The following P2RX6 variants were observed in gnomAD, a reference collection of about 807,000 sequenced individuals.
P2RX6 encodes purinergic receptor P2X 6.
P2RX6 carries 62 observed loss-of-function variants against 54.2 expected under a neutral mutation model. The observed-to-expected ratio is 1.14, with a 90% CI of 0.93 to 1.41. The LOEUF (loss-of-function observed/expected upper bound fraction) is 1.41, where lower values mean the gene tolerates loss of function less well. Among genes scored for constraint, P2RX6 ranks in the 40% most tolerant of loss-of-function variants. The pLI, the probability that P2RX6 is intolerant of heterozygous loss-of-function variation, is 0.00. For missense variants in P2RX6, 541 were observed against 566.3 expected (o/e 0.96, Z 0.45); for synonymous variants, 211 against 231.9 (o/e 0.91, Z 0.82).
upstream of P2RX6, chr22:21,014,985 C>G (rs1926085246): frequency 2.0e-6 from 1 of 506,978 alleles, no homozygotes; most frequent in Non-Finnish European, 3.4e-6. Flanking sequence ...TGTGCCAGGG[C>G]CCAGCAAAGG....
At chr22:21,021,133 C>G (rs932501989) in intron 3 of P2RX6, among the ~76,000 whole-genome samples, 2 of 151,994 alleles carry the variant, frequency 1.3e-5, no homozygotes, top group Non-Finnish European at 2.9e-5. Flanking sequence ...TGTTTGTTTT[C>G]TTTTTCTCTT....
rs766745248 is a variant in P2RX6 at position 21,027,163 on chromosome 22, G to A, written c.*546G>A. ...GCTTCTCTGGTGCTGTGATGCCCCA[G>A]GAGAGTCCTAATCTAGGGAATGGGG... On this transcript the variant is annotated 3_prime_UTR_variant, in exon 12 of 12. Coordinates refer to ENST00000413302, the MANE Select transcript of P2RX6 (RefSeq NM_005446.5). The A allele has an allele frequency of 8.1e-4, 130 of 159,596 alleles. 1 individual carries two copies. The highest frequency in any genetic ancestry group is 1.1e-3 in the Non-Finnish European group (80 of 72,520). 9.9% of individuals were successfully genotyped at this position (159,596 alleles called of 1,614,324 possible). A position where few individuals can be genotyped will look rare whatever the true frequency, so the allele number is the denominator to read the frequency against.
rs2541950 is a variant in P2RX6 at position 21,026,790 on chromosome 22, G to A, written c.*173G>A. ...TAGGGTGCTGCCTCAGGGAGCCATA[G>A]AAGTCGGCTGTGTTTTGAGACGGCG... is the stretch of plus-strand genomic sequence containing the variant. On this transcript the variant is annotated 3_prime_UTR_variant, in exon 12 of 12. Coordinates refer to ENST00000413302, the MANE Select transcript of P2RX6 (RefSeq NM_005446.5). This position sits in a 1 kb window ranked among gnomAD's most constrained non-coding sequence, Gnocchi z 4.0. 3 of 1,347,390 alleles carry A rather than the reference G, an allele frequency of 2.2e-6. No individual in the cohort carries two copies. The highest frequency in any genetic ancestry group is 2.9e-6 in the Non-Finnish European group (3 of 1,018,920). The allele number at this position is 1,347,390 out of a possible 1,614,324, so 83.5% of individuals were successfully genotyped here.
chr22:21,010,052 C>G (rs1375463429), intron 1 of P2RX6: 7 of 152,288 alleles, frequency 4.6e-5, no homozygotes, highest in Non-Finnish European at 8.8e-5. Context: ...GTGACCCTTG[C>G]AGCCATCCTA....
rs767835576 is a variant in P2RX6 at position 21,026,491 on chromosome 22, C to T, written c.1200C>T (p.Ala400=). The T allele has an allele frequency of 2.6e-5, 42 of 1,599,462 alleles. No homozygotes were observed. The highest frequency in any genetic ancestry group is 4.5e-5 in the South Asian group (4 of 88,018). Residue 400 remains alanine (A), a synonymous_variant, in exon 12 of 12, where the codon GCC becomes GCT. Transcript: ENST00000413302. This position sits in a 1 kb window ranked among gnomAD's most constrained non-coding sequence, Gnocchi z 4.0. The part of the protein sequence containing the change: ...ELALASQARL[A]ECLRRSSAPA... ...CCCTTGCATCCCAAGCCCGACTGGC[C>T]GAGTGCCTCAGACGGAGCTCAGCAC...
chr22:21,022,082 A>G (rs1927497611), intron 3 of P2RX6, among the ~76,000 whole-genome samples: 1 of 152,132 alleles, frequency 6.6e-6, no homozygotes, highest in Non-Finnish European at 1.5e-5. Flanking sequence ...GTCAGGAGGG[A>G]AGGGGCAGGG....
Position 21,025,824 on chromosome 22 carries a change from G to A in P2RX6, c.910G>A (p.Glu304Lys). ...YNFRTATHWWEQPGVEARTLL... is the reference protein window; with the variant it reads ...YNFRTATHWWKQPGVEARTLL... ...CCACAGGACAGCCACTCACTGGTGG[G>A]AGCAACCGGGTGTGGAGGCCCGCAC... The change falls in exon 9 of 12, where the codon GAG (glutamate) becomes AAG (lysine). Residue 304 changes from glutamate (E) to lysine (K), a missense_variant. Coordinates refer to ENST00000413302, the MANE Select transcript of P2RX6 (RefSeq NM_005446.5). 1 of 1,561,860 alleles carries A rather than the reference G, an allele frequency of 6.4e-7. No individual in the cohort carries two copies. The highest frequency in any genetic ancestry group is 8.7e-7 in the Non-Finnish European group (1 of 1,153,332).
intron 8 of P2RX6, among the ~76,000 whole-genome samples, chr22:21,025,417 C>T (rs1199622686): frequency 6.6e-6 from 1 of 152,126 alleles, no homozygotes; most frequent in African/African-American, 2.4e-5. Context: ...TTCCCCTGAC[C>T]TCTGTGCTGG....
chr22:21,012,740 A>G (rs1925812970), upstream of P2RX6: 1 of 312,034 alleles, frequency 3.2e-6, no homozygotes, highest in African/African-American at 2.2e-5. Flanking sequence ...CCCCACCTGG[A>G]AAGTACCCCC....
rs750536219 is a variant in P2RX6, at chr22:21,026,415, TG to T, written c.1129-4del. The T allele has an allele frequency of 2.3e-5, 37 of 1,597,420 alleles. 1 individual carries two copies. The South Asian group carries it at 3.6e-4, about 16-fold the overall frequency. ...GGATCCCTGACCTGCTGTCCTCATC[TG>T]CAGGCCAAGGCCCCGAAAGCAACCG... is the stretch of plus-strand genomic sequence containing the variant. On this transcript the variant is annotated splice_polypyrimidine_tract_variant and splice_region_variant and intron_variant, in intron 11 of 11. Coordinates refer to ENST00000413302, the MANE Select transcript of P2RX6 (RefSeq NM_005446.5). This position sits in a 1 kb window ranked among gnomAD's most constrained non-coding sequence, Gnocchi z 4.0.
rs1229305343 is a variant in P2RX6, at chr22:21,026,025, G to A, written c.999G>A (p.Gly333=). Residue 333 remains glycine, a synonymous_variant, in exon 10 of 12, where the codon GGG becomes GGA. Transcript: ENST00000413302. The surrounding 1 kb of genome is among the most constrained non-coding windows in gnomAD (Gnocchi z 4.0). Reference sequence around the variant, plus strand: ...ATCTCTCTCAGGCAGGGAAGTTCGGGCTCATCCCCACGGCCGTCACACTGG... The same window carrying A: ...ATCTCTCTCAGGCAGGGAAGTTCGGACTCATCCCCACGGCCGTCACACTGG... ...ILVTGQAGKF[G]LIPTAVTLGT... The A allele has an allele frequency of 6.2e-7, 1 of 1,611,608 alleles. No homozygotes were observed. Among genetic ancestry groups the A allele is most frequent in the Non-Finnish European group, 8.5e-7 (1 of 1,179,118 alleles).
chr22:21,021,571 GTC>G (rs1927413942), intron 3 of P2RX6, among the ~76,000 whole-genome samples: 1 of 152,144 alleles, frequency 6.6e-6, no homozygotes, highest in Non-Finnish European at 1.5e-5. Context: ...CTTTCAGAAA[GTC>G]CCACCGCCTC....
In P2RX6 at chr22:21,028,006, C is replaced by T. The variant is rs564800780; in HGVS notation, c.*1389C>T. On this transcript the variant is annotated 3_prime_UTR_variant, in exon 12 of 12. Transcript: ENST00000413302. ...AAGTCACGGAGTAAAGCCAGCAAAGCCACCCTCTTCCTGTGTAGTCCTTAC... is the reference window on the plus strand; with the variant it reads ...AAGTCACGGAGTAAAGCCAGCAAAGTCACCCTCTTCCTGTGTAGTCCTTAC... 6.6e-6 allele frequency: 1 copy of T among 152,144 alleles called. No homozygotes were observed. Among genetic ancestry groups the T allele is most frequent in the African/African-American group, 2.4e-5 (1 of 41,402 alleles). The allele number at this position is 152,144 out of a possible 1,614,324, so 9.4% of individuals were successfully genotyped here. A position where few individuals can be genotyped will look rare whatever the true frequency, so the allele number is the denominator to read the frequency against.
chr22:21,022,673 C>T lies in P2RX6; in HGVS notation c.388-3C>T. The T allele has an allele frequency of 6.5e-7, 1 of 1,540,218 alleles. No homozygotes were observed. Among genetic ancestry groups the T allele is most frequent in the South Asian group, 1.3e-5 (1 of 78,122 alleles). ...TTGGTGACTGCTCTCTCTCCCACCT[C>T]AGCACCCGTCCGTCCCACTGGCTAA... is the stretch of plus-strand genomic sequence containing the variant. On this transcript the variant is annotated splice_polypyrimidine_tract_variant and splice_region_variant and intron_variant, in intron 3 of 11. Coordinates refer to ENST00000413302, the MANE Select transcript of P2RX6 (RefSeq NM_005446.5).
chr22:21,026,675 C>G lies in P2RX6; in HGVS notation c.*58C>G. ...GAAGGGCGGGGCCCTGCCTGGGGAT[C>G]TCAAGGATGAGGCCCCAGCATGGAG... On this transcript the variant is annotated 3_prime_UTR_variant, in exon 12 of 12. Coordinates refer to ENST00000413302, the MANE Select transcript of P2RX6 (RefSeq NM_005446.5). The surrounding 1 kb of genome is among the most constrained non-coding windows in gnomAD (Gnocchi z 4.0). 1 of 1,524,496 alleles carries G rather than the reference C, an allele frequency of 6.6e-7. No individual in the cohort carries two copies. 94.4% of individuals were successfully genotyped at this position (1,524,496 alleles called of 1,614,324 possible).
In P2RX6 at chr22:21,026,615, T is replaced by TGGCTACC; in HGVS notation, c.1324_1325insGGCTACC (p.Ter442TrpfsTer26). The TGGCTACC allele has an allele frequency of 6.3e-7, 1 of 1,579,412 alleles. No homozygotes were observed. Among genetic ancestry groups the TGGCTACC allele is most frequent in the Non-Finnish European group, 8.6e-7 (1 of 1,163,586 alleles). ...CTTGCCAACCCATTCCGGGAGCCTG[T>TGGCTACC]AGCCGTTCCCTGCTGGTTGAGAGTT... On this transcript the variant is annotated frameshift_variant and stop_lost, in exon 12 of 12. Transcript: ENST00000413302. LOFTEE classifies it high-confidence loss of function. This position sits in a 1 kb window ranked among gnomAD's most constrained non-coding sequence, Gnocchi z 4.0.
chr22:21,023,307 A>C lies in P2RX6; in HGVS notation c.671A>C (p.Tyr224Ser). 6.2e-7 allele frequency: 1 copy of C among 1,613,644 alleles called. No homozygotes were observed. The highest frequency in any genetic ancestry group is 1.3e-5 in the African/African-American group (1 of 74,914). The change falls in exon 7 of 12, where the codon TAT (tyrosine) becomes TCT (serine). Residue 224 changes from tyrosine to serine, a missense_variant. Physicochemically the swap from Tyr to Ser is moderately radical, Grantham distance 144. Coordinates refer to ENST00000413302, the MANE Select transcript of P2RX6 (RefSeq NM_005446.5). Reference protein sequence around the residue: ...SNALETWDPTYFKHCRYEPQF... With the variant: ...SNALETWDPTSFKHCRYEPQF... ...GCCTTGGAGACCTGGGACCCCACCT[A>C]TTTTAAGCACTGCCGCTATGAACCA...
intron 9 of P2RX6, 37 bp from the exon 10 acceptor site, chr22:21,025,974 G>C: frequency 6.3e-7 from 1 of 1,596,114 alleles, no homozygotes; most frequent in Non-Finnish European, 8.5e-7. Context: ...GAGGCTGACA[G>C]TCGTGGGCTG....
intron 2 of P2RX6, among the ~76,000 whole-genome samples, chr22:21,017,588 G>T (rs1204387396): frequency 1.3e-5 from 2 of 152,208 alleles, no homozygotes; most frequent in Admixed American, 6.5e-5. Flanking sequence ...GGTAGCTGGA[G>T]CCTGTAGTCC....
Sources: gnomAD v4.1 joint callset for allele counts (sites outside exome capture counted in the v4.1 genomes callset) on GRCh38, gnomAD v4.1.1 for gene constraint, Gnocchi (gnomAD v3.1) non-coding constraint, MANE v1.5 for transcripts, NCBI Gene and HGNC (gene_info 2026-07-23, HGNC 2026-07-21) for gene names.